HIVEP1: variants seen among roughly 807,000 people sequenced by gnomAD.
HIVEP1 encodes zinc finger protein 40.
Under a neutral mutation model 180.0 loss-of-function variants are expected in HIVEP1, and 36 were observed. The ratio of observed to expected loss-of-function variants is 0.20; its 90% CI spans 0.15 to 0.26. The LOEUF (loss-of-function observed/expected upper bound fraction) is 0.26. Ranked by LOEUF, HIVEP1 falls within the 10% of genes least tolerant of loss-of-function variation. The probability of loss-of-function intolerance (pLI) is 1.00; values close to 1 mark genes in which losing one functional copy is unlikely to be tolerated. For missense variants in HIVEP1, 3,143 were observed against 3,268.7 expected (o/e 0.96, Z 0.94); for synonymous variants, 1,239 against 1,239.0 (o/e 1.00, Z 0.00).
At chr6:12,011,748 G>A (rs1767326030), upstream of HIVEP1, among the ~76,000 whole-genome samples, 3 of 148,908 alleles carry the variant, frequency 2.0e-5, no homozygotes, top group African/African-American at 7.3e-5. Context: ...GCCGGGCCGG[G>A]CGCCCATCCA....
the HIVEP1 span, among the ~76,000 whole-genome samples, chr6:12,181,117 T>C: frequency 2.0e-5 from 3 of 152,118 alleles, no homozygotes; most frequent in South Asian, 2.1e-4. Flanking sequence ...TCCCAGCACT[T>C]TGGGAGGCCG....
chr6:12,200,445 T>G, the HIVEP1 span, among the ~76,000 whole-genome samples: 1 of 152,240 alleles, frequency 6.6e-6, no homozygotes, highest in Non-Finnish European at 1.5e-5. Flanking sequence ...AGCTGTTTTC[T>G]TCTACCTCCA....
At chr6:12,181,438 G>A in the HIVEP1 span, among the ~76,000 whole-genome samples, 2 of 151,970 alleles carry the variant, frequency 1.3e-5, no homozygotes, top group African/African-American at 2.4e-5. Context: ...TGCCCAGGAT[G>A]GAGCAGCAGA....
chr6:12,189,740 C>G, the HIVEP1 span, among the ~76,000 whole-genome samples: 2 of 152,210 alleles, frequency 1.3e-5, no homozygotes, highest in African/African-American at 4.8e-5. Context: ...ATGAAAAATG[C>G]ATATTTCTGG....
At chr6:12,202,633 C>G in the HIVEP1 span, among the ~76,000 whole-genome samples, 1 of 152,120 alleles carries the variant, frequency 6.6e-6, no homozygotes, top group Non-Finnish European at 1.5e-5. Flanking sequence ...CCTTTCATGA[C>G]AGATAAATGT....
intron 3 of HIVEP1, among the ~76,000 whole-genome samples, chr6:12,093,485 T>G (rs1401457627): frequency 6.6e-6 from 1 of 151,446 alleles, no homozygotes; most frequent in Non-Finnish European, 1.5e-5. Flanking sequence ...TTTTCTATAT[T>G]TTCTTCTAAA....
intron 2 of HIVEP1, among the ~76,000 whole-genome samples, chr6:12,043,332 C>G (rs1769896293): frequency 1.3e-5 from 2 of 150,820 alleles, no homozygotes; most frequent in African/African-American, 4.9e-5. Context: ...GGCATTTCTC[C>G]TATTCCCACT....
chr6:12,139,431 G>A (rs182512863), intron 7 of HIVEP1, among the ~76,000 whole-genome samples: 39 of 152,294 alleles, frequency 2.6e-4, no homozygotes, highest in Admixed American at 7.8e-4. Context: ...CGCAGAAGAC[G>A]GATGATTTCT....
chr6:12,016,218 A>G (rs898659314), intron 2 of HIVEP1, among the ~76,000 whole-genome samples: 1 of 152,262 alleles, frequency 6.6e-6, no homozygotes, highest in Non-Finnish European at 1.5e-5. Context: ...TACACATTTC[A>G]TGCAAAGACA....
At chr6:12,030,625 T>A (rs1044822811) in intron 2 of HIVEP1, among the ~76,000 whole-genome samples, 4 of 152,188 alleles carry the variant, frequency 2.6e-5, no homozygotes, top group Non-Finnish European at 5.9e-5. Context: ...TGCTTCTCTG[T>A]CTCTTTTTAA....
At chr6:12,013,247 G>A (rs72826014) in intron 1 of HIVEP1, among the ~76,000 whole-genome samples, 21,651 of 152,242 alleles carry the variant, frequency 0.14, 1,573 homozygotes, top group Admixed American at 0.18. Flanking sequence ...TTTGTTCAGT[G>A]CAGCGTTGCA....
intron 2 of HIVEP1, among the ~76,000 whole-genome samples, chr6:12,036,480 T>C (rs1384464680): frequency 6.6e-6 from 1 of 152,240 alleles, no homozygotes; most frequent in Non-Finnish European, 1.5e-5. Context: ...GCATTTACCC[T>C]GTGACTCTTC....
intron 8 of HIVEP1, among the ~76,000 whole-genome samples, chr6:12,162,510 C>T (rs1760472349): frequency 6.6e-6 from 1 of 152,218 alleles, no homozygotes; most frequent in Non-Finnish European, 1.5e-5. Context: ...CAGGCACAGG[C>T]CTCTGAAAAG....
chr6:12,092,902 G>A (rs1219628300), intron 3 of HIVEP1, among the ~76,000 whole-genome samples: 1 of 152,190 alleles, frequency 6.6e-6, no homozygotes, highest in Non-Finnish European at 1.5e-5. Context: ...CGTACAGGCT[G>A]AACTCGCAAG....
intron 2 of HIVEP1, among the ~76,000 whole-genome samples, chr6:12,022,325 C>T (rs1007259088): frequency 3.9e-5 from 6 of 152,034 alleles, no homozygotes; most frequent in Admixed American, 6.5e-5. Flanking sequence ...CTCCTGCCAC[C>T]GCACCCAGCT....
the HIVEP1 span, among the ~76,000 whole-genome samples, chr6:12,203,310 G>T: frequency 6.6e-6 from 1 of 152,226 alleles, no homozygotes; most frequent in Non-Finnish European, 1.5e-5. Context: ...ACAGGAGAAT[G>T]CTGGGGTCGG....
intron 7 of HIVEP1, among the ~76,000 whole-genome samples, chr6:12,136,723 A>T (rs938942146): frequency 1.3e-5 from 2 of 152,210 alleles, no homozygotes; most frequent in South Asian, 2.1e-4. Context: ...TATTCCGAAA[A>T]GGTTAAATGG....
downstream of HIVEP1, among the ~76,000 whole-genome samples, chr6:12,167,564 C>A (rs1760735546): frequency 1.1e-4 from 1 of 9,256 alleles, no homozygotes; most frequent in Non-Finnish European, 1.7e-4. Flanking sequence ...GTATATATTA[C>A]ATGCATGTTA....
chr6:12,173,838 G>T, the HIVEP1 span, among the ~76,000 whole-genome samples: 1 of 152,226 alleles, frequency 6.6e-6, no homozygotes, highest in South Asian at 2.1e-4. Context: ...AAAGACATCA[G>T]GGCTTTACAT....
Sources: allele counts gnomAD v4.1 joint callset (sites outside exome capture counted in the v4.1 genomes callset), GRCh38; gene constraint gnomAD v4.1.1; transcripts MANE v1.5; gene names NCBI Gene and HGNC (gene_info 2026-07-23, HGNC 2026-07-21).